DNMT3A: variants seen among roughly 807,000 people sequenced by gnomAD.
The protein encoded by DNMT3A is DNA methyltransferase 3 alpha.
DNMT3A carries 267 observed loss-of-function variants against 117.6 expected under a neutral mutation model. The ratio of observed to expected loss-of-function variants is 2.27; its 90% confidence interval spans 2.05 to 2.51. The LOEUF is 2.51. Among genes scored for constraint, DNMT3A ranks in the 30% most tolerant of loss-of-function variants. DNMT3A has a pLI of 0.00. For missense variants in DNMT3A, 1,029 were observed against 1,260.2 expected (o/e 0.82, Z 2.78); for synonymous variants, 432 against 474.8 (o/e 0.91, Z 1.17).
chr2:25,300,300 C>CCAGCCCCAGA, intron 2 of DNMT3A, 57 bp from the exon 3 acceptor site: 1 of 1,568,718 alleles, frequency 6.4e-7, no homozygotes, highest in Non-Finnish European at 8.6e-7. Flanking sequence ...GTGTAGCATT[C>CCAGCCCCAGA]CAGGCCTGTC....
In DNMT3A at chr2:25,246,714, AGT is replaced by A; in HGVS notation, c.1183_1184del (p.Thr395CysfsTer13). The A allele has an allele frequency of 6.2e-7, 1 of 1,613,878 alleles. No individual in the cohort carries two copies. Among genetic ancestry groups the A allele is most frequent in the Non-Finnish European group, 8.5e-7 (1 of 1,180,026 alleles). ...PVCHDSDESD[T>X]AKAVEVQNKP... Reference sequence around the variant, plus strand: ...TGTTCTGCACCTCCACGGCCTTGGCAGTGTCACTCTCATCGCTGTCGTGGCAC... The same window carrying A: ...TGTTCTGCACCTCCACGGCCTTGGCAGTCACTCTCATCGCTGTCGTGGCAC... On this transcript the variant is annotated frameshift_variant, in exon 10 of 23. Coordinates refer to ENST00000321117, the MANE Select transcript of DNMT3A (RefSeq NM_022552.5). LOFTEE classifies it high-confidence loss of function.
intron 6 of DNMT3A, among the ~76,000 whole-genome samples, chr2:25,269,906 G>A (rs79964592): frequency 2.6e-5 from 4 of 152,152 alleles, no homozygotes; most frequent in Admixed American, 6.5e-5. Context: ...AAGCCTGAAG[G>A]GGGTAATCTG....
Position 25,228,847 on chromosome 2 carries a change from C to T in DNMT3A, c.*5432G>A, listed in dbSNP as rs1490864530. The T allele has an allele frequency of 6.6e-6, 1 of 152,176 alleles. No individual in the cohort carries two copies. Among genetic ancestry groups the T allele is most frequent in the Non-Finnish European group, 1.5e-5 (1 of 68,048 alleles). 9.4% of individuals were successfully genotyped at this position (152,176 alleles called of 1,614,324 possible). A position where few individuals can be genotyped will look rare whatever the true frequency, so the allele number is the denominator to read the frequency against. On this transcript the variant is annotated 3_prime_UTR_variant, in exon 23 of 23. Transcript: ENST00000321117. ...AATGGGACTAGGGGATGCTTTAGAC[C>T]GCTGCTCATGTTCTCAGGCACAGGG...
At position 25,244,584 on chromosome 2, in the gene DNMT3A, A is replaced by G; in HGVS notation, c.1623T>C (p.Cys541=). 6.2e-7 allele frequency: 1 copy of G among 1,614,192 alleles called. No individual in the cohort carries two copies. Among genetic ancestry groups the G allele is most frequent in the Non-Finnish European group, 8.5e-7 (1 of 1,180,010 alleles). ...CGCACATGAGCACCTCACGGCCCCC[A>G]CAGCAGATGGTGCAGTAGGACTGGT... ...DGYQSYCTIC[C]GGREVLMCGN... is the part of the protein sequence containing the mutation. Residue 541 remains cysteine, a synonymous_variant, in exon 14 of 23, where the codon TGT becomes TGC. Transcript: ENST00000321117.
In DNMT3A at chr2:25,240,373, A is replaced by G. The variant is rs750962348; in HGVS notation, c.2251T>C (p.Phe751Leu). ...ARPKEGDDRP[F>L]FWLFENVVAM... Reference sequence around the variant, plus strand: ...ACCACATTCTCAAAGAGCCAGAAGAAGGGGCGATCATCTCCCTCCTTGGGC... The same window carrying G: ...ACCACATTCTCAAAGAGCCAGAAGAGGGGGCGATCATCTCCCTCCTTGGGC... The change falls in exon 19 of 23, where the codon TTC becomes CTC. Residue 751 changes from phenylalanine to leucine, a missense_variant. Transcript: ENST00000321117. The G allele has an allele frequency of 1.2e-6, 2 of 1,614,156 alleles. No homozygotes were observed. The highest frequency in any genetic ancestry group is 1.3e-5 in the African/African-American group (1 of 75,062).
intron 2 of DNMT3A, among the ~76,000 whole-genome samples, chr2:25,300,483 T>C (rs1396917431): frequency 6.7e-6 from 1 of 149,854 alleles, no homozygotes; most frequent in East Asian, 2.0e-4. Flanking sequence ...GGCTCATGCC[T>C]GTAATCCCAG....
Position 25,235,752 on chromosome 2 carries a change from A to T in DNMT3A, c.2552T>A (p.Phe851Tyr). The stretch of plus-strand genomic sequence containing the variant: ...TAAGATGTCCTCTTTCTCATTCATG[A>T]AGACAGGAAAATGCTGGTCTTTGCC... Reference protein sequence around the residue: ...KQGKDQHFPVFMNEKEDILWC... With the variant: ...KQGKDQHFPVYMNEKEDILWC... The change falls in exon 22 of 23, where the codon TTC (phenylalanine) becomes TAC (tyrosine). Residue 851 changes from phenylalanine (F) to tyrosine (Y), a missense_variant. Phe to Tyr is a conservative substitution (Grantham distance 22). Transcript: ENST00000321117. 6.2e-7 allele frequency: 1 copy of T among 1,614,164 alleles called. No individual in the cohort carries two copies. Among genetic ancestry groups the T allele is most frequent in the Middle Eastern group, 1.6e-4 (1 of 6,062 alleles).
chr2:25,273,611 C>T (rs1031637226), intron 6 of DNMT3A, among the ~76,000 whole-genome samples: 7 of 152,176 alleles, frequency 4.6e-5, no homozygotes, highest in African/African-American at 1.7e-4. Context: ...ACATACAAGA[C>T]AGCTCAAAAA....
chr2:25,244,608 GT>G lies in DNMT3A; in HGVS notation c.1598del (p.Tyr533SerfsTer118). 6.2e-7 allele frequency: 1 copy of G among 1,614,192 alleles called. No individual in the cohort carries two copies. Among genetic ancestry groups the G allele is most frequent in the Non-Finnish European group, 8.5e-7 (1 of 1,180,028 alleles). On this transcript the variant is annotated frameshift_variant, in exon 14 of 23. Coordinates refer to ENST00000321117, the MANE Select transcript of DNMT3A (RefSeq NM_022552.5). LOFTEE classifies it high-confidence loss of function. ...ECAYQYDDDGYQSYCTICCGG... is the reference protein window; with the variant it reads ...ECAYQYDDDGXQSYCTICCGG... ...CACAGCAGATGGTGCAGTAGGACTGGTAGCCGTCGTCGTCGTACTGGTACGC... is the reference window on the plus strand; with the variant it reads ...CACAGCAGATGGTGCAGTAGGACTGGAGCCGTCGTCGTCGTACTGGTACGC...
At position 25,282,030 on chromosome 2, in the gene DNMT3A, G is replaced by A. The variant is rs2031915282; in HGVS notation, c.448+411C>T. 6 of 1,140,228 alleles carry A rather than the reference G, an allele frequency of 5.3e-6. No homozygotes were observed. The highest frequency in any genetic ancestry group is 6.5e-6 in the Non-Finnish European group (6 of 924,776). The allele number at this position is 1,140,228 out of a possible 1,614,324, so 70.6% of individuals were successfully genotyped here. On this transcript the variant is annotated intron_variant, in intron 4 of 22. Coordinates refer to ENST00000321117, the MANE Select transcript of DNMT3A (RefSeq NM_022552.5). This position sits in a 1 kb window ranked among gnomAD's most constrained non-coding sequence, Gnocchi z 5.2. ...AACTGCATGGCACGTGGGAGAGTAA[G>A]CAGGCCAGGTAGAGCTGCAGAAAAC...
At position 25,252,839 on chromosome 2, in the gene DNMT3A, G is replaced by C. The variant is rs574403605; in HGVS notation, c.640-4587C>G. ...CTGTAGGAAAACTCAGCACACAGACGGAGAGTGACAGCAGGCGCGCGCAGG... is the reference window on the plus strand; with the variant it reads ...CTGTAGGAAAACTCAGCACACAGACCGAGAGTGACAGCAGGCGCGCGCAGG... On this transcript the variant is annotated intron_variant, in intron 6 of 22. Transcript: ENST00000321117. The surrounding 1 kb of genome is among the most constrained non-coding windows in gnomAD (Gnocchi z 5.5). Among the ~76,000 whole-genome samples the C allele has an allele frequency of 2.0e-5, 3 of 152,230 alleles. No homozygotes were observed. The highest frequency in any genetic ancestry group is 7.2e-5 in the African/African-American group (3 of 41,560).
chr2:25,284,946 T>C (rs1007633282), intron 3 of DNMT3A, among the ~76,000 whole-genome samples: 3 of 152,038 alleles, frequency 2.0e-5, no homozygotes, highest in Non-Finnish European at 2.9e-5. Context: ...ACAAGCAGAG[T>C]GGGCATCCCT....
At chr2:25,309,350 G>A (rs1406816704) in intron 2 of DNMT3A, among the ~76,000 whole-genome samples, 1 of 152,240 alleles carries the variant, frequency 6.6e-6, no homozygotes, top group Non-Finnish European at 1.5e-5. Flanking sequence ...CAGGAGGCAG[G>A]AAGAAATGGT....
At position 25,248,096 on chromosome 2, in the gene DNMT3A, CCACGGGCT is replaced by C; in HGVS notation, c.788_795del (p.Glu263GlyfsTer15). 1 of 1,613,360 alleles carries C rather than the reference CCACGGGCT, an allele frequency of 6.2e-7. No homozygotes were observed. Among genetic ancestry groups the C allele is most frequent in the Non-Finnish European group, 8.5e-7 (1 of 1,180,004 alleles). On this transcript the variant is annotated frameshift_variant, in exon 7 of 23. Transcript: ENST00000321117. LOFTEE classifies it high-confidence loss of function. ...GCATTCTTGTCCCCAGCATCGGACC[CCACGGGCT>C]CAGGCGTGGTAGCCACAGTGGGGGA...
At position 25,246,326 on chromosome 2, in the gene DNMT3A, G is replaced by A. The variant is rs756899787; in HGVS notation, c.1280-17C>T. 6.3e-7 allele frequency: 1 copy of A among 1,587,976 alleles called. No individual in the cohort carries two copies. The highest frequency in any genetic ancestry group is 1.1e-5 in the South Asian group (1 of 87,174). On this transcript the variant is annotated splice_polypyrimidine_tract_variant and intron_variant, in intron 10 of 22. Transcript: ENST00000321117. ...TCTTCTCTTCTGGAGGAGGAAAGCA[G>A]GTGCCAAGGTCAGTTACAGGCTGAC...
rs775691206 is a variant in DNMT3A at position 25,245,346 on chromosome 2, G to A, written c.1475-14C>T. 2 of 1,612,596 alleles carry A rather than the reference G, an allele frequency of 1.2e-6. No individual in the cohort carries two copies. Among genetic ancestry groups the A allele is most frequent in the Non-Finnish European group, 1.7e-6 (2 of 1,179,080 alleles). On this transcript the variant is annotated splice_polypyrimidine_tract_variant and intron_variant, in intron 12 of 22. Transcript: ENST00000321117. The stretch of plus-strand genomic sequence containing the variant: ...AGATGCAGATGTCTGGAAAGCAGAG[G>A]GAGGGGATGGGGTGAGTACCACCGA...
chr2:25,300,638 ATATTATTTAGATATCTAAATAAT>A (rs2033388058), intron 2 of DNMT3A, among the ~76,000 whole-genome samples: 1 of 87,366 alleles, frequency 1.1e-5, no homozygotes, highest in African/African-American at 3.9e-5. Context: ...TCTAAATAAT[ATATTATTTAGATATCTAAATAAT>A]ATATTATTTA....
rs552610503 is a variant in DNMT3A, at chr2:25,315,920, G to A, written c.-177-1759C>T. ...TCGAAAGGGTCAGAAGCTAAGAGGG[G>A]CAGAGTCTGATTGGAAAGAACGTTG... On this transcript the variant is annotated intron_variant, in intron 1 of 22. Transcript: ENST00000321117. 3.3e-5 allele frequency among the ~76,000 whole-genome samples: 5 copies of A among 152,368 alleles called. No individual in the cohort carries two copies. The East Asian group carries it at 5.8e-4, about 18-fold the overall frequency.
chr2:25,246,314 A>G lies in DNMT3A; in HGVS notation c.1280-5T>C, dbSNP rs1014581295. ...CTTTGTAGGGATTCTTCTCTTCTGG[A>G]GGAGGAAAGCAGGTGCCAAGGTCAG... On this transcript the variant is annotated splice_polypyrimidine_tract_variant and splice_region_variant and intron_variant, in intron 10 of 22. Coordinates refer to ENST00000321117, the MANE Select transcript of DNMT3A (RefSeq NM_022552.5). The G allele has an allele frequency of 6.3e-7, 1 of 1,595,562 alleles. No homozygotes were observed.
Sources: allele counts gnomAD v4.1 joint callset (sites outside exome capture counted in the v4.1 genomes callset), GRCh38; gene constraint gnomAD v4.1.1; non-coding constraint Gnocchi (gnomAD v3.1); transcripts MANE v1.5; gene names NCBI Gene and HGNC (gene_info 2026-07-23, HGNC 2026-07-21).